Variants in HAPLN1 observed in about 807,000 individuals in gnomAD.
The protein encoded by HAPLN1 is Cartilage link protein.
Under a neutral mutation model 36.5 loss-of-function variants are expected in HAPLN1, and 13 were observed. The ratio of observed to expected loss-of-function variants is 0.36; its 90% CI spans 0.23 to 0.57. The LOEUF (loss-of-function observed/expected upper bound fraction) is 0.57, where lower values mean the gene tolerates loss of function less well. Among genes scored for constraint, HAPLN1 ranks in the 20% least tolerant of loss-of-function variants. HAPLN1 has a pLI of 0.83. For missense variants in HAPLN1, 407 were observed against 439.7 expected (o/e 0.93, Z 0.66); for synonymous variants, 202 against 169.8 (o/e 1.19, Z -1.48).
chr5:83,692,729 C>T (rs1262846549), intron 1 of HAPLN1, among the ~76,000 whole-genome samples: 1 of 151,790 alleles, frequency 6.6e-6, no homozygotes, highest in Non-Finnish European at 1.5e-5. Context: ...ACATTTTTCT[C>T]ATTATGTAAA....
At chr5:83,653,785 G>A (rs974153735) in intron 2 of HAPLN1, among the ~76,000 whole-genome samples, 48 of 152,314 alleles carry the variant, frequency 3.2e-4, no homozygotes, top group African/African-American at 1.2e-3. Context: ...CTACATACCA[G>A]CTGTTATTTT....
In HAPLN1 at chr5:83,644,681, A is replaced by G. The variant is rs1749804582; in HGVS notation, c.473-16T>C. 2 of 1,400,524 alleles carry G rather than the reference A, an allele frequency of 1.4e-6. No homozygotes were observed. The highest frequency in any genetic ancestry group is 3.0e-5 in the African/African-American group (2 of 67,684). 86.8% of individuals were successfully genotyped at this position (1,400,524 alleles called of 1,614,324 possible). On this transcript the variant is annotated splice_polypyrimidine_tract_variant and intron_variant, in intron 3 of 4. Coordinates refer to ENST00000274341, the MANE Select transcript of HAPLN1 (RefSeq NM_001884.4). ...AATACCACACCTGTCCAAAGGAGAAAGCAAGGAGTTGTTAGAAGCCCCAAA... is the reference window on the plus strand; with the variant it reads ...AATACCACACCTGTCCAAAGGAGAAGGCAAGGAGTTGTTAGAAGCCCCAAA...
At chr5:83,646,991 G>A (rs1051274482) in intron 3 of HAPLN1, among the ~76,000 whole-genome samples, 2 of 152,240 alleles carry the variant, frequency 1.3e-5, no homozygotes, top group African/African-American at 4.8e-5. Flanking sequence ...AATGGCTGAA[G>A]ATGGTAACAT....
At chr5:83,692,347 C>T (rs1290610968) in intron 1 of HAPLN1, among the ~76,000 whole-genome samples, 3 of 151,592 alleles carry the variant, frequency 2.0e-5, no homozygotes, top group East Asian at 1.9e-4. Context: ...AATGAAACTG[C>T]TTAAAACCAG....
At chr5:83,655,462 T>C (rs952546283) in intron 2 of HAPLN1, among the ~76,000 whole-genome samples, 2 of 152,090 alleles carry the variant, frequency 1.3e-5, no homozygotes, top group African/African-American at 2.4e-5. Flanking sequence ...CCCAAAATAG[T>C]TTTTTAACAA....
intron 1 of HAPLN1, among the ~76,000 whole-genome samples, chr5:83,675,762 G>C (rs1238589840): frequency 1.3e-5 from 2 of 152,162 alleles, no homozygotes; most frequent in African/African-American, 4.8e-5. Flanking sequence ...AATGTCTACT[G>C]TTCGCCAGCA....
At chr5:83,693,863 G>C (rs1333818573) in intron 1 of HAPLN1, among the ~76,000 whole-genome samples, 1 of 151,878 alleles carries the variant, frequency 6.6e-6, no homozygotes, top group Admixed American at 6.6e-5. Flanking sequence ...AAATATTAGA[G>C]CATCCCTTTA....
chr5:83,692,213 A>G (rs1458370262), intron 1 of HAPLN1, among the ~76,000 whole-genome samples: 3 of 151,956 alleles, frequency 2.0e-5, no homozygotes, highest in African/African-American at 4.8e-5. Flanking sequence ...GGCAGAAAAA[A>G]ATTTGAAGAA....
At chr5:83,705,235 C>T (rs1454285002) in intron 1 of HAPLN1, among the ~76,000 whole-genome samples, 1 of 151,612 alleles carries the variant, frequency 6.6e-6, no homozygotes, top group Non-Finnish European at 1.5e-5. Flanking sequence ...GTTAAAAATA[C>T]AAAAATTAGC....
intron 1 of HAPLN1, among the ~76,000 whole-genome samples, chr5:83,702,368 T>C (rs1308824563): frequency 6.6e-6 from 1 of 152,200 alleles, no homozygotes; most frequent in Admixed American, 6.5e-5. Context: ...TCACATTAGA[T>C]AGTGATAAAG....
Position 83,678,220 on chromosome 5 carries a change from G to GGGGTGTGTGT in HAPLN1, c.-26-4672_-26-4671insACACACACCC, listed in dbSNP as rs1554049526. Reference sequence around the variant, plus strand: ...CATTTTCCTTTTTATCTATAGTTTGGGTGTGTGTGTGTGTGTGTGTGTGTG... The same window carrying GGGGTGTGTGT: ...CATTTTCCTTTTTATCTATAGTTTGGGGGTGTGTGTGTGTGTGTGTGTGTGTGTGTGTGTG... On this transcript the variant is annotated intron_variant, in intron 1 of 4. Coordinates refer to ENST00000274341, the MANE Select transcript of HAPLN1 (RefSeq NM_001884.4). Among the ~76,000 whole-genome samples, 283 of 142,640 alleles carry GGGGTGTGTGT rather than the reference G, an allele frequency of 2.0e-3. 4 individuals carry two copies. Among genetic ancestry groups the GGGGTGTGTGT allele is most frequent in the African/African-American group, 6.7e-3 (264 of 39,348 alleles). The allele number at this position is 142,640 out of a possible 152,430, so 93.6% of individuals were successfully genotyped here. A position where few individuals can be genotyped will look rare whatever the true frequency, so the allele number is the denominator to read the frequency against.
At chr5:83,685,193 A>G (rs1278116702) in intron 1 of HAPLN1, among the ~76,000 whole-genome samples, 1 of 152,208 alleles carries the variant, frequency 6.6e-6, no homozygotes, top group Non-Finnish European at 1.5e-5. Context: ...TTGATAGCAG[A>G]ATCCAGCTCA....
In HAPLN1 at chr5:83,644,466, C is replaced by T. The variant is rs1166029206; in HGVS notation, c.672G>A (p.Glu224=). The T allele has an allele frequency of 2.5e-6, 4 of 1,613,278 alleles. No homozygotes were observed. Among genetic ancestry groups the T allele is most frequent in the Non-Finnish European group, 2.5e-6 (3 of 1,179,638 alleles). The change falls in exon 4 of 5, where the codon GAG becomes GAA. Residue 224 remains glutamate, a synonymous_variant. Transcript: ENST00000274341. The part of the protein sequence containing the change: ...SVQYPITKPR[E]PCGGQNTVPG... Reference sequence around the variant, plus strand: ...GCACTGTGTTCTGCCCCCCACAGGGCTCTCTGGGCTTTGTGATGGGATATT... The same window carrying T: ...GCACTGTGTTCTGCCCCCCACAGGGTTCTCTGGGCTTTGTGATGGGATATT...
intron 1 of HAPLN1, among the ~76,000 whole-genome samples, chr5:83,719,690 C>T (rs2112646072): frequency 6.6e-6 from 1 of 152,254 alleles, no homozygotes; most frequent in African/African-American, 2.4e-5. Context: ...ACAATATTCC[C>T]ATTCCATTAA....
intron 1 of HAPLN1, among the ~76,000 whole-genome samples, chr5:83,687,188 A>G (rs528713290): frequency 4.6e-5 from 7 of 152,302 alleles, no homozygotes; most frequent in Admixed American, 3.3e-4. Flanking sequence ...TGGTGTAGTC[A>G]AAATCAATTT....
intron 4 of HAPLN1, among the ~76,000 whole-genome samples, chr5:83,643,292 G>A (rs1307141038): frequency 6.7e-6 from 1 of 150,004 alleles, no homozygotes; most frequent in African/African-American, 2.5e-5. Flanking sequence ...GGAGGTTGCA[G>A]TGAGCCCAGG....
At chr5:83,673,610 T>TCCAAAG in intron 1 of HAPLN1, 61 bp from the exon 2 acceptor site, 1 of 896,284 alleles carries the variant, frequency 1.1e-6, no homozygotes, top group Non-Finnish European at 1.8e-6. Context: ...AGTGTTGCAC[T>TCCAAAG]GCACAACTTA....
chr5:83,714,137 G>A (rs764082670), intron 1 of HAPLN1, among the ~76,000 whole-genome samples: 1 of 152,072 alleles, frequency 6.6e-6, no homozygotes, highest in South Asian at 2.1e-4. Flanking sequence ...CACCAACAGC[G>A]GCAACAGGAT....
intron 2 of HAPLN1, among the ~76,000 whole-genome samples, chr5:83,653,375 G>T (rs1432900004): frequency 6.6e-6 from 1 of 152,140 alleles, no homozygotes; most frequent in Non-Finnish European, 1.5e-5. Flanking sequence ...ATGGCTTCTA[G>T]TCAAATATAC....
Sources: allele counts gnomAD v4.1 joint callset (sites outside exome capture counted in the v4.1 genomes callset), GRCh38; gene constraint gnomAD v4.1.1; transcripts MANE v1.5; gene names NCBI Gene and HGNC (gene_info 2026-07-23, HGNC 2026-07-21).